Variants in CRYL1 observed in about 807,000 individuals in gnomAD.
CRYL1 encodes lambda-crystallin homolog.
CRYL1 carries 29 observed loss-of-function variants against 36.6 expected under a neutral mutation model. That is an observed-to-expected ratio of 0.79 (90% CI 0.59 to 1.08). The LOEUF (loss-of-function observed/expected upper bound fraction) is 1.08. Ranked by LOEUF, CRYL1 falls within the 50% of genes least tolerant of loss-of-function variation. The pLI, the probability that CRYL1 is intolerant of heterozygous loss-of-function variation, is 0.00. For synonymous variants in CRYL1, 152 were observed against 151.5 expected (o/e 1.00, Z -0.02); for missense variants, 411 against 407.9 (o/e 1.01, Z -0.06).
intron 3 of CRYL1, among the ~76,000 whole-genome samples, chr13:20,463,692 C>G (rs1353135055): frequency 6.6e-6 from 1 of 152,128 alleles, no homozygotes; most frequent in Non-Finnish European, 1.5e-5. Flanking sequence ...GAAACCATGA[C>G]CTATCATTTC....
chr13:20,504,112 G>A (rs2033751234), intron 2 of CRYL1, among the ~76,000 whole-genome samples: 1 of 152,068 alleles, frequency 6.6e-6, no homozygotes, highest in South Asian at 2.1e-4. Context: ...CCTGGAGTTG[G>A]GGTGGTCACC....
At chr13:20,419,700 AC>A (rs2137373993) in intron 5 of CRYL1, among the ~76,000 whole-genome samples, 1 of 152,356 alleles carries the variant, frequency 6.6e-6, no homozygotes, top group East Asian at 1.9e-4. Flanking sequence ...GGTGTGAGCC[AC>A]CACATCCGGC....
rs185328982 is a variant in CRYL1, at chr13:20,481,625, G to A, written c.276+7745C>T. Reference sequence around the variant, plus strand: ...TTACAGTTTTTAAAGAAAAAAACACGTATGGCCATGCGTGGTGGCTCACTC... The same window carrying A: ...TTACAGTTTTTAAAGAAAAAAACACATATGGCCATGCGTGGTGGCTCACTC... On this transcript the variant is annotated intron_variant, in intron 3 of 7. Coordinates refer to ENST00000298248, the MANE Select transcript of CRYL1 (RefSeq NM_015974.3). The surrounding 1 kb of genome is among the most constrained non-coding windows in gnomAD (Gnocchi z 4.1). 1.1e-4 allele frequency among the ~76,000 whole-genome samples: 16 copies of A among 152,102 alleles called. No homozygotes were observed. Among genetic ancestry groups the A allele is most frequent in the South Asian group, 2.1e-4 (1 of 4,832 alleles).
intron 5 of CRYL1, chr13:20,418,832 C>T (rs1459097779): frequency 6.6e-5 from 10 of 152,204 alleles, no homozygotes; most frequent in Admixed American, 6.5e-4. Context: ...TATTCAAGTT[C>T]TTCCACTCCT....
intron 3 of CRYL1, among the ~76,000 whole-genome samples, chr13:20,474,745 C>A: frequency 6.6e-6 from 1 of 152,162 alleles, no homozygotes; most frequent in East Asian, 1.9e-4. Context: ...TTCCTCTCCC[C>A]TCCCAGGGCC....
At chr13:20,460,663 C>A (rs1465985036) in intron 3 of CRYL1, among the ~76,000 whole-genome samples, 2 of 151,092 alleles carry the variant, frequency 1.3e-5, no homozygotes, top group African/African-American at 2.4e-5. Context: ...GTAGCCGGGA[C>A]TACAGGCGCC....
intron 2 of CRYL1, among the ~76,000 whole-genome samples, chr13:20,491,177 G>A (rs2033504931): frequency 6.6e-6 from 1 of 152,122 alleles, no homozygotes; most frequent in African/African-American, 2.4e-5. Context: ...AAAGTGCTGG[G>A]ATTATAAGCG....
intron 2 of CRYL1, among the ~76,000 whole-genome samples, chr13:20,497,288 T>A (rs1462138703): frequency 6.9e-6 from 1 of 144,290 alleles, no homozygotes; most frequent in Admixed American, 6.9e-5. Context: ...CACACCACCA[T>A]ACACACAACT....
chr13:20,409,541 T>A (rs2031466019), intron 6 of CRYL1, among the ~76,000 whole-genome samples: 1 of 150,722 alleles, frequency 6.6e-6, no homozygotes, highest in Non-Finnish European at 1.5e-5. Context: ...TGGGATCTAA[T>A]TAAACTCAAG....
In CRYL1 at chr13:20,505,359, CA is replaced by C. The variant is rs61380702; in HGVS notation, c.149+7083del. Among the ~76,000 whole-genome samples the C allele has an allele frequency of 7.3e-3, 669 of 91,198 alleles. 5 individuals are homozygous for C. The highest frequency in any genetic ancestry group is 0.025 in the East Asian group (67 of 2,676). 59.8% of individuals were successfully genotyped at this position (91,198 alleles called of 152,430 possible). A position where few individuals can be genotyped will look rare whatever the true frequency, so the allele number is the denominator to read the frequency against. ...GCAACAAAGTGAGACTCTATCCCAC[CA>C]AAAAAAAAAAAAAAAAAAAAAATCA... On this transcript the variant is annotated intron_variant, in intron 2 of 7. Coordinates refer to ENST00000298248, the MANE Select transcript of CRYL1 (RefSeq NM_015974.3).
At position 20,443,762 on chromosome 13, in the gene CRYL1, G is replaced by A. The variant is rs182269958; in HGVS notation, c.277-4008C>T. Reference sequence around the variant, plus strand: ...ATTGGCTAGTGCAAGATATCTGGAAGCAGCTTTCAACGTGCTTTACAGAAA... The same window carrying A: ...ATTGGCTAGTGCAAGATATCTGGAAACAGCTTTCAACGTGCTTTACAGAAA... On this transcript the variant is annotated intron_variant, in intron 3 of 7. Transcript: ENST00000298248. Among the ~76,000 whole-genome samples the A allele has an allele frequency of 2.1e-3, 313 of 152,326 alleles. 1 individual carries two copies. The highest frequency in any genetic ancestry group is 4.4e-3 in the Admixed American group (68 of 15,300).
intron 5 of CRYL1, among the ~76,000 whole-genome samples, chr13:20,424,425 G>A (rs1264608130): frequency 6.6e-6 from 1 of 152,184 alleles, no homozygotes; most frequent in Admixed American, 6.5e-5. Context: ...AATAGTCAGA[G>A]CCAAGAGAGC....
chr13:20,410,978 C>T (rs897924251), intron 6 of CRYL1, among the ~76,000 whole-genome samples: 2 of 152,314 alleles, frequency 1.3e-5, no homozygotes, highest in South Asian at 2.1e-4. Flanking sequence ...GGCAATGGCA[C>T]GCTGGCCTCC....
intron 2 of CRYL1, among the ~76,000 whole-genome samples, chr13:20,497,820 A>G (rs1256954319): frequency 1.3e-5 from 2 of 151,682 alleles, no homozygotes; most frequent in African/African-American, 2.4e-5. Context: ...CATACTACAC[A>G]CACACCACCA....
intron 2 of CRYL1, among the ~76,000 whole-genome samples, chr13:20,509,544 A>C (rs1401477848): frequency 6.6e-6 from 1 of 151,946 alleles, no homozygotes; most frequent in East Asian, 1.9e-4. Flanking sequence ...TTACATTAAA[A>C]AGTACTACTC....
chr13:20,430,936 A>C (rs898173378), intron 5 of CRYL1: 1 of 985,310 alleles, frequency 1.0e-6, no homozygotes, highest in Non-Finnish European at 1.2e-6. Context: ...TTACTAAGAA[A>C]TTCAAACCGC....
At chr13:20,454,938 G>C (rs2137422859) in intron 3 of CRYL1, among the ~76,000 whole-genome samples, 1 of 152,148 alleles carries the variant, frequency 6.6e-6, no homozygotes, top group East Asian at 1.9e-4. Context: ...ACATCATATT[G>C]ATGTCCTAGC....
Position 20,496,474 on chromosome 13 carries a change from TG to T in CRYL1, c.150-6979del, listed in dbSNP as rs376708531. 3.9e-4 allele frequency among the ~76,000 whole-genome samples: 59 copies of T among 152,332 alleles called. No homozygotes were observed. The South Asian group carries it at 0.012, about 31-fold the overall frequency. On this transcript the variant is annotated intron_variant, in intron 2 of 7. Transcript: ENST00000298248. ...TACAGAATGACTTAGAAAATCGTTT[TG>T]GCTAGTATATTCCCGTTAATTCATG...
intron 4 of CRYL1, among the ~76,000 whole-genome samples, chr13:20,439,147 G>A (rs1275339091): frequency 6.6e-6 from 1 of 152,176 alleles, no homozygotes; most frequent in Non-Finnish European, 1.5e-5. Context: ...ATTGTGTTGA[G>A]TAAACTACAC....
Sources: allele counts gnomAD v4.1 joint callset (sites outside exome capture counted in the v4.1 genomes callset), GRCh38; gene constraint gnomAD v4.1.1; non-coding constraint Gnocchi (gnomAD v3.1); transcripts MANE v1.5; gene names NCBI Gene and HGNC (gene_info 2026-07-23, HGNC 2026-07-21).